Variants in TLN2 observed in about 807,000 individuals in gnomAD.
TLN2 encodes the protein talin 2.
A neutral mutation model predicts 294.7 loss-of-function variants in TLN2; 118 were observed. The observed-to-expected ratio is 0.40, with a 90% CI of 0.34 to 0.47. TLN2 has a LOEUF of 0.47. TLN2 is among the 20% of genes least tolerant of loss of function. The probability of loss-of-function intolerance (pLI) is 0.84; values close to 1 mark genes in which losing one functional copy is unlikely to be tolerated. For synonymous variants in TLN2, 1,431 were observed against 1,304.5 expected, an observed-to-expected ratio of 1.10 and a Z score of -2.09; for missense variants, 3,083 against 3,282.2, an observed-to-expected ratio of 0.94 and a Z score of 1.48.
At chr15:62,533,571 AAG>A (rs2041172839) in intron 1 of TLN2, among the ~76,000 whole-genome samples, 1 of 152,316 alleles carries the variant, frequency 6.6e-6, no homozygotes, top group Admixed American at 6.5e-5. Flanking sequence ...GACAGACACT[AAG>A]AGGATTAGCT....
At chr15:62,591,962 C>T (rs1164508465) in intron 2 of TLN2, among the ~76,000 whole-genome samples, 2 of 151,946 alleles carry the variant, frequency 1.3e-5, no homozygotes, top group East Asian at 3.9e-4. Flanking sequence ...GCACAGTGGC[C>T]GGGAAACACA....
At chr15:62,417,067 CGTT>C (rs757062246) in intron 1 of TLN2, among the ~76,000 whole-genome samples, 1 of 152,078 alleles carries the variant, frequency 6.6e-6, no homozygotes, top group African/African-American at 2.4e-5. Context: ...TTGGAGTTGA[CGTT>C]GGGGAGTGCT....
rs77722213 is a variant in TLN2 at position 62,714,726 on chromosome 15, G to A, written c.2635-1605G>A. Among the ~76,000 whole-genome samples, 1,156 of 152,196 alleles carry A rather than the reference G, an allele frequency of 7.6e-3. 11 individuals carry two copies. Among genetic ancestry groups the A allele is most frequent in the African/African-American group, 0.026 (1,094 of 41,520 alleles). On this transcript the variant is annotated intron_variant, in intron 22 of 58. Transcript: ENST00000636159. Reference sequence around the variant, plus strand: ...AATTTTGTTGAAAGCTAAAGAACACGCAATGGTTAGACTTCCAAGGATTAT... The same window carrying A: ...AATTTTGTTGAAAGCTAAAGAACACACAATGGTTAGACTTCCAAGGATTAT...
At chr15:62,781,319 G>C in intron 44 of TLN2, 78 bp downstream of exon 44, 2 of 1,142,574 alleles carry the variant, frequency 1.8e-6, no homozygotes, top group South Asian at 2.6e-5. Flanking sequence ...GCAAATCCCA[G>C]ATCTGTGTCA....
chr15:62,794,714 G>T (rs769980698), intron 46 of TLN2, among the ~76,000 whole-genome samples: 2 of 152,200 alleles, frequency 1.3e-5, no homozygotes, highest in Non-Finnish European at 2.9e-5. Flanking sequence ...GGCTGGTCTT[G>T]GAACGTGGTA....
intron 50 of TLN2, among the ~76,000 whole-genome samples, chr15:62,801,005 A>C (rs1374102327): frequency 6.6e-6 from 1 of 152,212 alleles, no homozygotes; most frequent in East Asian, 1.9e-4. Flanking sequence ...ACTTAGGACT[A>C]TTCAGGTTTA....
intron 1 of TLN2, among the ~76,000 whole-genome samples, chr15:62,395,075 C>T (rs139288502): frequency 2.3e-4 from 35 of 152,210 alleles, no homozygotes; most frequent in African/African-American, 6.3e-4. Flanking sequence ...TAATTCCCTA[C>T]GTCTGTTATT....
At chr15:62,598,165 T>C (rs555070856) in intron 2 of TLN2, among the ~76,000 whole-genome samples, 41 of 152,308 alleles carry the variant, frequency 2.7e-4, no homozygotes, top group African/African-American at 9.6e-4. Context: ...GTAGAACAGA[T>C]GTTATCACTG....
chr15:62,478,587 G>A (rs758993446), intron 1 of TLN2, among the ~76,000 whole-genome samples: 4 of 152,082 alleles, frequency 2.6e-5, no homozygotes, highest in Non-Finnish European at 4.4e-5. Context: ...CTCTCCAGGG[G>A]GACTCGATTG....
intron 1 of TLN2, among the ~76,000 whole-genome samples, chr15:62,404,045 C>T (rs1566945683): frequency 6.6e-6 from 1 of 152,144 alleles, no homozygotes; most frequent in African/African-American, 2.4e-5. Context: ...AGGAAACTTG[C>T]TGGTTAGAGG....
intron 5 of TLN2, among the ~76,000 whole-genome samples, chr15:62,650,486 T>C (rs565021035): frequency 6.6e-5 from 10 of 152,300 alleles, no homozygotes; most frequent in African/African-American, 2.4e-4. Context: ...GATATTCCTA[T>C]GCCTGGAGAT....
chr15:62,740,914 A>G (rs1442719676), intron 32 of TLN2, 145 bp downstream of exon 32: 5 of 982,548 alleles, frequency 5.1e-6, no homozygotes, highest in African/African-American at 1.6e-5. Flanking sequence ...AGAGTGATGG[A>G]CACTCTGATA....
chr15:62,496,001 G>A (rs1390216481), intron 1 of TLN2, among the ~76,000 whole-genome samples: 3 of 151,850 alleles, frequency 2.0e-5, no homozygotes, highest in East Asian at 3.9e-4. Flanking sequence ...TCTTCTTTGT[G>A]TGCTTTTTAT....
chr15:62,790,923 T>C (rs547760746), intron 45 of TLN2, among the ~76,000 whole-genome samples: 3 of 152,362 alleles, frequency 2.0e-5, no homozygotes, highest in African/African-American at 7.2e-5. Context: ...GAGGTGCTGC[T>C]GCTGTTGTAT....
intron 48 of TLN2, 65 bp from the exon 49 acceptor site, chr15:62,800,303 G>C: frequency 1.3e-6 from 2 of 1,578,302 alleles, no homozygotes; most frequent in Non-Finnish European, 1.7e-6. Context: ...CAGGCTGCAT[G>C]CCTTGGTAAA....
chr15:62,816,039 C>T (rs1217727563), intron 52 of TLN2, among the ~76,000 whole-genome samples: 1 of 152,150 alleles, frequency 6.6e-6, no homozygotes, highest in South Asian at 2.1e-4. Context: ...ACAGGTTGAT[C>T]CCCAAACTGT....
At chr15:62,446,164 G>C (rs1018645654) in intron 1 of TLN2, among the ~76,000 whole-genome samples, 1 of 151,770 alleles carries the variant, frequency 6.6e-6, no homozygotes, top group South Asian at 2.1e-4. Flanking sequence ...CCGCCACCAC[G>C]CCCCGCTAAT....
chr15:62,487,568 C>T (rs368298884), intron 1 of TLN2, among the ~76,000 whole-genome samples: 4 of 152,116 alleles, frequency 2.6e-5, no homozygotes, highest in East Asian at 3.9e-4. Context: ...TGCGGTGGCT[C>T]ATGCCTATAA....
intron 52 of TLN2, among the ~76,000 whole-genome samples, chr15:62,812,848 G>A (rs1039807424): frequency 6.6e-6 from 1 of 152,206 alleles, no homozygotes; most frequent in Non-Finnish European, 1.5e-5. Context: ...GAGGCCAAGA[G>A]GTCCAGGAGC....
Sources: gnomAD v4.1 joint callset for allele counts (sites outside exome capture counted in the v4.1 genomes callset) on GRCh38, gnomAD v4.1.1 for gene constraint, MANE v1.5 for transcripts, NCBI Gene and HGNC (gene_info 2026-07-23, HGNC 2026-07-21) for gene names.